The following MYH14 variants were observed in gnomAD, a reference collection of about 807,000 sequenced individuals.
MYH14 encodes the protein myosin heavy chain 14.
MYH14 carries 123 observed loss-of-function variants against 255.5 expected under a neutral mutation model. The observed-to-expected ratio is 0.48, with a 90% CI of 0.42 to 0.56. The LOEUF is 0.56. Ranked by LOEUF, MYH14 falls within the 20% of genes least tolerant of loss-of-function variation. The pLI is 0.00. For missense variants in MYH14, 2,423 were observed against 2,802.3 expected (o/e 0.86, Z 3.06); for synonymous variants, 1,095 against 1,161.2 (o/e 0.94, Z 1.16).
chr19:50,208,272 A>G (rs1367079081), intron 1 of MYH14, among the ~76,000 whole-genome samples: 1 of 152,096 alleles, frequency 6.6e-6, no homozygotes, highest in African/African-American at 2.4e-5. Context: ...AAAATTAGCC[A>G]GGCATAGAGG....
Position 50,250,521 on chromosome 19 carries a change from C to A in MYH14, c.1663C>A (p.Pro555Thr). ...CCCTGCTGTCAATGGCCAGGCCAACCCCCCTGGACTCCTGGCCCTGCTGGA... is the reference window on the plus strand; with the variant it reads ...CCCTGCTGTCAATGGCCAGGCCAACACCCCTGGACTCCTGGCCCTGCTGGA... ...CIDLIERPAN[P>T]PGLLALLDEE... Residue 555 changes from proline (P) to threonine (T), a missense_variant, in exon 15 of 43, where the codon CCC (proline) becomes ACC (threonine). This residue lies in a region of MYH14 where 672 missense variants were observed against 881.8 expected (regional missense o/e 0.76). Transcript: ENST00000642316. The surrounding 1 kb of genome is among the most constrained non-coding windows in gnomAD (Gnocchi z 5.4). 6.2e-7 allele frequency: 1 copy of A among 1,612,858 alleles called. No homozygotes were observed. The highest frequency in any genetic ancestry group is 2.2e-5 in the East Asian group (1 of 44,848).
At chr19:50,268,734 G>A (rs1003427174) in intron 24 of MYH14, among the ~76,000 whole-genome samples, 6 of 152,122 alleles carry the variant, frequency 3.9e-5, no homozygotes, top group African/African-American at 1.4e-4. Context: ...AGGCATGGCT[G>A]GATCCAGGCA....
At position 50,289,525 on chromosome 19, in the gene MYH14, A is replaced by G; in HGVS notation, c.4842A>G (p.Thr1614=). 1 of 1,613,212 alleles carries G rather than the reference A, an allele frequency of 6.2e-7. No individual in the cohort carries two copies. Among genetic ancestry groups the G allele is most frequent in the Non-Finnish European group, 8.5e-7 (1 of 1,179,676 alleles). The change falls in exon 35 of 43, where the codon ACA becomes ACG. Residue 1614 remains threonine, a synonymous_variant. Coordinates refer to ENST00000642316, the MANE Select transcript of MYH14 (RefSeq NM_001145809.2). ...TGACAGAACTGGAGGATGAGCTGAC[A>G]GCGGCCGAGGATGCCAAGCTGCGTC... ...AQVTELEDEL[T]AAEDAKLRLE...
In MYH14 at chr19:50,249,514, GGTC is replaced by G. The variant is rs570856943; in HGVS notation, c.1483-135_1483-133del. ...CTGGGTCTCTGTCCCCCTCTCTCTG[GGTC>G]TCTGTCCCCCTCTCTCTGGGTCTCT... On this transcript the variant is annotated intron_variant, in intron 13 of 42. Transcript: ENST00000642316. 98 of 935,446 alleles carry G rather than the reference GGTC, an allele frequency of 1.0e-4. No individual in the cohort carries two copies. In the East Asian group the frequency reaches 2.6e-3, roughly 25 times the overall value. 57.9% of individuals were successfully genotyped at this position (935,446 alleles called of 1,614,324 possible).
intron 3 of MYH14, among the ~76,000 whole-genome samples, chr19:50,219,018 T>TAA (rs1180149488): frequency 6.8e-6 from 1 of 147,472 alleles, no homozygotes; most frequent in African/African-American, 2.5e-5. Flanking sequence ...ATATATTTTT[T>TAA]ATATATACAC....
intron 18 of MYH14, 50 bp from the exon 19 acceptor site, chr19:50,259,094 G>GCCCCCGTGTGGCCGCCGCTGA (rs2034716796): frequency 1.3e-6 from 2 of 1,525,468 alleles, no homozygotes; most frequent in South Asian, 2.4e-5. Context: ...ACCGTTTGGC[G>GCCCCCGTGTGGCCGCCGCTGA]CCCCCGTGTG....
intron 22 of MYH14, among the ~76,000 whole-genome samples, chr19:50,265,092 G>A (rs1031168366): frequency 6.6e-6 from 1 of 152,258 alleles, no homozygotes; most frequent in African/African-American, 2.4e-5. Flanking sequence ...CCACCATGGA[G>A]CTCACAGTCT....
At chr19:50,306,256 G>A (rs1042669700) in intron 40 of MYH14, among the ~76,000 whole-genome samples, 7 of 152,152 alleles carry the variant, frequency 4.6e-5, no homozygotes, top group African/African-American at 9.7e-5. Flanking sequence ...CTCCAGCCTG[G>A]GCAACAAGAG....
rs768400496 is a variant in MYH14, at chr19:50,309,028, C to G, written c.5811C>G (p.Val1937=). Reference sequence around the variant, plus strand: ...AGCTGGAGAAGGGAAACCTTCGAGTCAAGCAGCTGAAGCGGCAGCTGGAGG... The same window carrying G: ...AGCTGGAGAAGGGAAACCTTCGAGTGAAGCAGCTGAAGCGGCAGCTGGAGG... The part of the protein sequence containing the change: ...RDQLEKGNLR[V]KQLKRQLEEA... Residue 1937 remains valine, a synonymous_variant, in exon 42 of 43, where the codon GTC becomes GTG. Coordinates refer to ENST00000642316, the MANE Select transcript of MYH14 (RefSeq NM_001145809.2). The G allele has an allele frequency of 1.5e-5, 24 of 1,612,896 alleles. No homozygotes were observed. Among genetic ancestry groups the G allele is most frequent in the South Asian group, 1.1e-4 (10 of 91,012 alleles).
intron 40 of MYH14, among the ~76,000 whole-genome samples, chr19:50,306,719 GA>G (rs1483124510): frequency 6.6e-6 from 1 of 152,152 alleles, no homozygotes; most frequent in Non-Finnish European, 1.5e-5. Flanking sequence ...ATTTTCAGGG[GA>G]AAATGAATGG....
intron 24 of MYH14, 138 bp from the exon 25 acceptor site, chr19:50,271,271 C>T (rs985556094): frequency 1.9e-5 from 16 of 838,332 alleles, no homozygotes; most frequent in East Asian, 5.4e-5. Context: ...TGATCCTTCC[C>T]GGCCTCACCC....
intron 15 of MYH14, among the ~76,000 whole-genome samples, chr19:50,251,457 C>CTA (rs752665904): frequency 0.013 from 1,792 of 139,068 alleles, 40 homozygotes; most frequent in African/African-American, 0.047. Context: ...GGTTCTATTC[C>CTA]TATATATATA....
chr19:50,254,127 G>T (rs1358998931), intron 16 of MYH14, among the ~76,000 whole-genome samples: 1 of 151,594 alleles, frequency 6.6e-6, no homozygotes, highest in Admixed American at 6.6e-5. Flanking sequence ...TGAGGCAGGG[G>T]AATCGCTTGA....
chr19:50,205,914 G>A (rs2031719531), intron 1 of MYH14, among the ~76,000 whole-genome samples: 3 of 152,102 alleles, frequency 2.0e-5, no homozygotes, highest in African/African-American at 7.2e-5. Context: ...GGATGCCAAG[G>A]GCCCCAACCT....
chr19:50,249,972 C>G, intron 14 of MYH14, 149 bp downstream of exon 14: 1 of 986,224 alleles, frequency 1.0e-6, no homozygotes, highest in Non-Finnish European at 1.5e-6. Flanking sequence ...CTTCCTCGAT[C>G]TTTTGTGACC....
intron 24 of MYH14, among the ~76,000 whole-genome samples, chr19:50,268,849 TA>T (rs2035192269): frequency 1.3e-5 from 2 of 152,232 alleles, no homozygotes; most frequent in African/African-American, 4.8e-5. Flanking sequence ...ATGTTCTCAG[TA>T]CTCCCCCTCT....
chr19:50,250,675 A>C lies in MYH14; in HGVS notation c.1817A>C (p.His606Pro). ...LRDQADFSVL[H>P]YAGKVDYKAN... ...GATCAGGCCGACTTCAGTGTTCTCC[A>C]CTACGCGGGCAAGGTAGGGGCTGGG... Residue 606 changes from histidine (H) to proline (P), a missense_variant, in exon 15 of 43, where the codon CAC (histidine) becomes CCC (proline). Around this residue, in one of 3 missense-constraint regions of MYH14, gnomAD observed 672 missense variants for 881.8 expected, o/e 0.76. Transcript: ENST00000642316. The surrounding 1 kb of genome is among the most constrained non-coding windows in gnomAD (Gnocchi z 5.4). 4 of 1,612,494 alleles carry C rather than the reference A, an allele frequency of 2.5e-6. No homozygotes were observed. The highest frequency in any genetic ancestry group is 3.4e-6 in the Non-Finnish European group (4 of 1,178,746).
intron 17 of MYH14, 56 bp from the exon 18 acceptor site, chr19:50,257,243 G>T (rs2034623389): frequency 6.9e-7 from 1 of 1,457,864 alleles, no homozygotes; most frequent in Admixed American, 2.1e-5. Context: ...TTTGGCCCAG[G>T]TCCCTAAAAC....
chr19:50,224,149 C>T lies in MYH14; in HGVS notation c.694-5C>T. On this transcript the variant is annotated splice_region_variant and splice_polypyrimidine_tract_variant and intron_variant, in intron 5 of 42. Coordinates refer to ENST00000642316, the MANE Select transcript of MYH14 (RefSeq NM_001145809.2). The stretch of plus-strand genomic sequence containing the variant: ...TCCGTGTCTCGTGTCCCGTGACTTC[C>T]TCAGGCCTCCGTCAGCACCGTGTCT... 1 of 1,613,284 alleles carries T rather than the reference C, an allele frequency of 6.2e-7. No individual in the cohort carries two copies. Among genetic ancestry groups the T allele is most frequent in the East Asian group, 2.2e-5 (1 of 44,840 alleles).
Sources: gnomAD v4.1 joint callset for allele counts (sites outside exome capture counted in the v4.1 genomes callset) on GRCh38, gnomAD v4.1.1 for gene constraint, gnomAD v4.1.1 regional missense constraint, Gnocchi (gnomAD v3.1) non-coding constraint, MANE v1.5 for transcripts, NCBI Gene and HGNC (gene_info 2026-07-23, HGNC 2026-07-21) for gene names.